Variants in TANC2 observed in about 807,000 individuals in gnomAD.
The protein encoded by TANC2 is tetratricopeptide repeat, ankyrin repeat and coiled-coil containing 2, also known as protein TANC2.
In TANC2, 26 loss-of-function variants were observed where a neutral mutation model predicts 210.5. That is an observed-to-expected ratio of 0.12 (90% CI 0.09 to 0.17). The LOEUF is 0.17. Ranked by LOEUF, TANC2 falls within the 10% of genes least tolerant of loss-of-function variation. TANC2 has a pLI of 1.00. For synonymous variants in TANC2, 931 were observed against 967.1 expected, an observed-to-expected ratio of 0.96 and a Z score of 0.69; for missense variants, 2,129 against 2,608.9, an observed-to-expected ratio of 0.82 and a Z score of 4.01.
intron 4 of TANC2, among the ~76,000 whole-genome samples, chr17:63,125,653 A>G (rs1222386599): frequency 1.3e-5 from 2 of 152,142 alleles, no homozygotes; most frequent in East Asian, 3.9e-4. Flanking sequence ...TTCCTGTGGG[A>G]ACTGGTTTCA....
chr17:63,038,508 T>C (rs549508549), intron 2 of TANC2, among the ~76,000 whole-genome samples: 14 of 152,306 alleles, frequency 9.2e-5, no homozygotes, highest in African/African-American at 3.4e-4. Context: ...TTATCTGGTT[T>C]GACATTCGAG....
At chr17:63,343,491 G>A (rs1370612125) in intron 12 of TANC2, among the ~76,000 whole-genome samples, 1 of 152,184 alleles carries the variant, frequency 6.6e-6, no homozygotes, top group Non-Finnish European at 1.5e-5. Context: ...GGAGGCTGAG[G>A]CAGAACAGTG....
intron 1 of TANC2, among the ~76,000 whole-genome samples, chr17:63,003,206 A>G (rs1043938762): frequency 6.6e-6 from 1 of 152,212 alleles, no homozygotes; most frequent in African/African-American, 2.4e-5. Context: ...TTCTGCAATG[A>G]CATATAATGT....
At chr17:63,049,244 T>G (rs1352846785) in intron 2 of TANC2, among the ~76,000 whole-genome samples, 1 of 152,218 alleles carries the variant, frequency 6.6e-6, no homozygotes, top group Non-Finnish European at 1.5e-5. Context: ...CTCATGGAAT[T>G]TATATTCTAG....
At chr17:63,237,702 A>AT (rs2042658909) in intron 7 of TANC2, 112 bp from the exon 8 acceptor site, 6 of 1,149,788 alleles carry the variant, frequency 5.2e-6, no homozygotes, top group Non-Finnish European at 7.2e-6. Context: ...TTCTAGCACC[A>AT]TTTTTTGAAA....
exon 18 of TANC2, chr17:63,395,775 T>C: frequency 6.2e-7 from 1 of 1,613,614 alleles, no homozygotes; most frequent in Non-Finnish European, 8.5e-7. Context: ...GGCAGTGTGC[T>C]TTGGTTCATG....
intron 26 of TANC2, among the ~76,000 whole-genome samples, chr17:63,417,432 C>T (rs926991075): frequency 6.6e-6 from 1 of 152,112 alleles, no homozygotes; most frequent in Non-Finnish European, 1.5e-5. Context: ...CCACCCCACC[C>T]CCCAGTCTCT....
intron 1 of TANC2, among the ~76,000 whole-genome samples, chr17:62,997,119 T>C (rs1323944992): frequency 6.8e-6 from 1 of 147,018 alleles, no homozygotes; most frequent in Non-Finnish European, 1.5e-5. Flanking sequence ...CCAGCCTCTT[T>C]TTTTTTTTTT....
chr17:62,976,420 G>A (rs75808735), intron 1 of TANC2, among the ~76,000 whole-genome samples: 4,406 of 149,588 alleles, frequency 0.029, 80 homozygotes, highest in South Asian at 0.037. Context: ...GTATGTGACA[G>A]TCAGTCAAGG....
intron 7 of TANC2, among the ~76,000 whole-genome samples, chr17:63,220,732 ATATATG>A (rs1427936184): frequency 3.5e-5 from 5 of 144,816 alleles, no homozygotes; most frequent in South Asian, 4.2e-4. Flanking sequence ...ATATATATAT[ATATATG>A]TATATATATA....
chr17:63,259,753 C>T (rs917664918), intron 8 of TANC2, among the ~76,000 whole-genome samples: 2 of 152,190 alleles, frequency 1.3e-5, no homozygotes, highest in African/African-American at 2.4e-5. Flanking sequence ...TTCTGTCGCT[C>T]ACCCAGCTGT....
intron 2 of TANC2, among the ~76,000 whole-genome samples, chr17:63,035,027 A>G (rs574053389): frequency 3.3e-5 from 5 of 152,338 alleles, no homozygotes; most frequent in Admixed American, 2.6e-4. Flanking sequence ...GCCATCAAAT[A>G]TAGTATCATT....
At chr17:63,047,933 G>A (rs934013885) in intron 2 of TANC2, among the ~76,000 whole-genome samples, 3 of 152,198 alleles carry the variant, frequency 2.0e-5, no homozygotes, top group African/African-American at 7.2e-5. Context: ...TAGCTGTGAA[G>A]AAGTGTGATT....
chr17:63,110,104 A>C (rs76113027), intron 4 of TANC2, among the ~76,000 whole-genome samples: 5 of 151,612 alleles, frequency 3.3e-5, no homozygotes, highest in Non-Finnish European at 5.9e-5. Flanking sequence ...CCCCTTATCA[A>C]CTTTCAGTGA....
intron 15 of TANC2, among the ~76,000 whole-genome samples, chr17:63,380,330 C>A (rs1386169812): frequency 6.6e-6 from 1 of 152,164 alleles, no homozygotes; most frequent in Non-Finnish European, 1.5e-5. Context: ...AGTTTGAAAA[C>A]CTTTAAGAAC....
At chr17:63,397,432 C>T (rs2048202274) in intron 18 of TANC2, among the ~76,000 whole-genome samples, 1 of 152,220 alleles carries the variant, frequency 6.6e-6, no homozygotes, top group Non-Finnish European at 1.5e-5. Flanking sequence ...AATGGAGCTG[C>T]ATCCCAGTTT....
intron 3 of TANC2, among the ~76,000 whole-genome samples, chr17:63,097,106 T>TGGCTCACTGCAGAGTG (rs2037416902): frequency 6.6e-6 from 1 of 151,888 alleles, no homozygotes; most frequent in Non-Finnish European, 1.5e-5. Context: ...AGTGGTGTGA[T>TGGCTCACTGCAGAGTG]CATGGCTCAC....
At chr17:63,266,437 A>G (rs753168957) in intron 8 of TANC2, among the ~76,000 whole-genome samples, 3 of 152,186 alleles carry the variant, frequency 2.0e-5, no homozygotes, top group Non-Finnish European at 2.9e-5. Flanking sequence ...CCCAATGTCA[A>G]TCATCATAAA....
chr17:63,196,151 G>A (rs1458689895), intron 6 of TANC2, among the ~76,000 whole-genome samples: 3 of 152,064 alleles, frequency 2.0e-5, no homozygotes, highest in African/African-American at 7.2e-5. Flanking sequence ...TACATTACAT[G>A]TTTAGTTGTG....
Sources: gnomAD v4.1 joint callset for allele counts (sites outside exome capture counted in the v4.1 genomes callset) on GRCh38, gnomAD v4.1.1 for gene constraint, MANE v1.5 for transcripts, NCBI Gene and HGNC (gene_info 2026-07-23, HGNC 2026-07-21) for gene names.